Variants in HERC2 observed in about 807,000 individuals in gnomAD.
HERC2 encodes the protein HECT and RLD domain containing E3 ubiquitin protein ligase 2.
In HERC2, 102 loss-of-function variants were observed where a neutral mutation model predicts 537.7. The observed-to-expected ratio is 0.19, with a 90% CI of 0.16 to 0.22. The LOEUF (loss-of-function observed/expected upper bound fraction) is 0.22, where lower values mean the gene tolerates loss of function less well. Ranked by LOEUF, HERC2 falls within the 10% of genes least tolerant of loss-of-function variation. The pLI, the probability that HERC2 is intolerant of heterozygous loss-of-function variation, is 1.00. For synonymous variants in HERC2, 2,224 were observed against 2,466.2 expected, an observed-to-expected ratio of 0.90 and a Z score of 2.91; for missense variants, 4,236 against 6,198.2, an observed-to-expected ratio of 0.68 and a Z score of 10.63.
At chr15:28,245,564 TATACACACACACACACACACACACAC>T (rs1903596423) in intron 23 of HERC2, among the ~76,000 whole-genome samples, 3 of 108,950 alleles carry the variant, frequency 2.8e-5, no homozygotes, top group Admixed American at 9.2e-5. Context: ...AAAAAAAATA[TATACACACACACACACACACACACAC>T]ACACACACAC....
rs567986805 is a variant in HERC2 at position 28,214,846 on chromosome 15, G to C, written c.6211-44C>G. Reference sequence around the variant, plus strand: ...TAACGACAAGCATTAAAAAAAATCTGATGAGGAAACTACAGATTGTTATTT... The same window carrying C: ...TAACGACAAGCATTAAAAAAAATCTCATGAGGAAACTACAGATTGTTATTT... On this transcript the variant is annotated intron_variant, in intron 39 of 92. Coordinates refer to ENST00000261609, the MANE Select transcript of HERC2 (RefSeq NM_004667.6). 9 of 1,489,408 alleles carry C rather than the reference G, an allele frequency of 6.0e-6. No individual in the cohort carries two copies. In the South Asian group the frequency reaches 7.0e-5, roughly 12 times the overall value. The allele number at this position is 1,489,408 out of a possible 1,614,324, so 92.3% of individuals were successfully genotyped here. A position where few individuals can be genotyped will look rare whatever the true frequency, so the allele number is the denominator to read the frequency against.
At chr15:28,167,869 A>C (rs1209227609) in intron 67 of HERC2, 42 bp from the exon 68 acceptor site, 2 of 1,568,932 alleles carry the variant, frequency 1.3e-6, no homozygotes, top group Non-Finnish European at 1.7e-6. Flanking sequence ...AAGTGGAAAA[A>C]CTCAGCAACA....
intron 88 of HERC2, 65 bp from the exon 89 acceptor site, chr15:28,115,606 C>G: frequency 9.0e-7 from 1 of 1,106,270 alleles, no homozygotes; most frequent in Non-Finnish European, 1.4e-6. Context: ...CCCGCTCACT[C>G]ACACACGCCA....
chr15:28,256,330 A>C lies in HERC2; in HGVS notation c.2518-13T>G. The C allele has an allele frequency of 6.4e-7, 1 of 1,562,560 alleles. No individual in the cohort carries two copies. The highest frequency in any genetic ancestry group is 8.6e-7 in the Non-Finnish European group (1 of 1,157,728). On this transcript the variant is annotated splice_polypyrimidine_tract_variant and intron_variant, in intron 17 of 92. Transcript: ENST00000261609. ...TGGCAGCATGCAACTGAAAGGAGAA[A>C]AACAATTTTCACTTAGAACCCCTAA...
At chr15:28,258,735 A>G (rs1305990764) in intron 16 of HERC2, among the ~76,000 whole-genome samples, 1 of 152,220 alleles carries the variant, frequency 6.6e-6, no homozygotes, top group African/African-American at 2.4e-5. Context: ...ATGACAAGAC[A>G]AAAGCAGAAA....
chr15:28,164,267 G>A (rs549357999), intron 68 of HERC2, among the ~76,000 whole-genome samples: 1 of 152,284 alleles, frequency 6.6e-6, no homozygotes, highest in African/African-American at 2.4e-5. Context: ...AAACAGGCTG[G>A]GGGAAGGACA....
In HERC2 at chr15:28,139,757, T is replaced by C. The variant is rs1198892141; in HGVS notation, c.12015+1675A>G. 4.6e-5 allele frequency among the ~76,000 whole-genome samples: 7 copies of C among 152,244 alleles called. No individual in the cohort carries two copies. The East Asian group carries it at 1.4e-3, about 29-fold the overall frequency. On this transcript the variant is annotated intron_variant, in intron 78 of 92. Transcript: ENST00000261609. ...GAAAACCAATTAATCCAACTGGCTA[T>C]ACTAATCCATTAGAAAACATTGGCC...
intron 2 of HERC2, among the ~76,000 whole-genome samples, chr15:28,311,007 G>A: frequency 6.7e-6 from 1 of 149,238 alleles, no homozygotes; most frequent in Non-Finnish European, 1.5e-5. Flanking sequence ...AACCTGGGAG[G>A]CGGACGTTGC....
chr15:28,288,719 C>G (rs1386017065), intron 4 of HERC2, among the ~76,000 whole-genome samples: 4,213 of 142,728 alleles, frequency 0.03, 52 homozygotes, highest in Admixed American at 0.046. Flanking sequence ...ACGGTGGTGC[C>G]TGCCTGTAAT....
At chr15:28,145,893 A>G (rs1891681302) in intron 71 of HERC2, among the ~76,000 whole-genome samples, 1 of 152,178 alleles carries the variant, frequency 6.6e-6, no homozygotes, top group Non-Finnish European at 1.5e-5. Flanking sequence ...CCCTCACTGC[A>G]GCCAGTAAGA....
At chr15:28,314,345 G>A (rs1317166035) in intron 2 of HERC2, among the ~76,000 whole-genome samples, 1 of 152,194 alleles carries the variant, frequency 6.6e-6, no homozygotes, top group African/African-American at 2.4e-5. Flanking sequence ...CTCAGCAGAT[G>A]TCAGCTCGGA....
intron 69 of HERC2, among the ~76,000 whole-genome samples, chr15:28,156,618 C>T (rs1234841335): frequency 3.9e-5 from 6 of 152,220 alleles, no homozygotes; most frequent in African/African-American, 1.2e-4. Context: ...TGAGACTTTG[C>T]TGAAGTTGCT....
intron 52 of HERC2, among the ~76,000 whole-genome samples, 163 bp downstream of exon 52, chr15:28,196,052 A>T (rs1316146084): frequency 6.6e-6 from 1 of 152,220 alleles, no homozygotes; most frequent in Non-Finnish European, 1.5e-5. Context: ...AAAGCCAGCC[A>T]GTCATCAGCG....
chr15:28,130,347 A>T, intron 82 of HERC2, 45 bp from the exon 83 acceptor site: 4 of 1,613,110 alleles, frequency 2.5e-6, no homozygotes, highest in Non-Finnish European at 3.4e-6. Flanking sequence ...AGGTGATCTC[A>T]CTGACCACCC....
chr15:28,260,964 T>C lies in HERC2; in HGVS notation c.2129A>G (p.Lys710Arg). 2 of 1,612,724 alleles carry C rather than the reference T, an allele frequency of 1.2e-6. No individual in the cohort carries two copies. The highest frequency in any genetic ancestry group is 1.7e-6 in the Non-Finnish European group (2 of 1,179,066). ...GGAGCCTGCAGCCACATCAATCACC[T>C]TCTTCCCTACAAGGGAAGAGGGATG... ...PKLLEGLQGK[K>R]VIDVAAGSTH... is the part of the protein sequence containing the mutation. The change falls in exon 16 of 93, where the codon AAG (lysine) becomes AGG (arginine). Residue 710 changes from lysine to arginine, a missense_variant. By Grantham distance (26) the Lys-to-Arg change is conservative (BLOSUM62 2). Coordinates refer to ENST00000261609, the MANE Select transcript of HERC2 (RefSeq NM_004667.6).
At chr15:28,227,026 G>A (rs1220450613) in intron 35 of HERC2, among the ~76,000 whole-genome samples, 2 of 152,254 alleles carry the variant, frequency 1.3e-5, no homozygotes, top group Admixed American at 6.5e-5. Flanking sequence ...TGTTATCCCA[G>A]TACTTTGGGA....
At chr15:28,261,110 C>T in intron 15 of HERC2, 140 bp from the exon 16 acceptor site, 1 of 634,296 alleles carries the variant, frequency 1.6e-6, no homozygotes, top group South Asian at 2.0e-5. Flanking sequence ...ATATTAAGCA[C>T]AATTCATTTG....
intron 45 of HERC2, among the ~76,000 whole-genome samples, chr15:28,204,197 C>T (rs1412347732): frequency 6.6e-6 from 1 of 152,112 alleles, no homozygotes; most frequent in Non-Finnish European, 1.5e-5. Context: ...TGAAGGACAA[C>T]AACCAATAAC....
Position 28,233,443 on chromosome 15 carries a change from C to A in HERC2, c.4470G>T (p.Ser1490=), listed in dbSNP as rs573056894. The A allele has an allele frequency of 2.9e-6, 4 of 1,373,480 alleles. No homozygotes were observed. The highest frequency in any genetic ancestry group is 1.8e-4 in the Middle Eastern group (1 of 5,508). The allele number at this position is 1,373,480 out of a possible 1,614,324, so 85.1% of individuals were successfully genotyped here. A position where few individuals can be genotyped will look rare whatever the true frequency, so the allele number is the denominator to read the frequency against. ...AATTAAAATCTATCACCTTAATGAG[C>A]GAACATTTTGCTTGGTAGACAACTC... ...VCRVVYQAKC[S]LIKTHQEQGR... is the part of the protein sequence containing the mutation. Residue 1490 remains serine, a synonymous_variant, in exon 29 of 93, where the codon TCG becomes TCT. Transcript: ENST00000261609.
Sources: allele counts gnomAD v4.1 joint callset (sites outside exome capture counted in the v4.1 genomes callset), GRCh38; gene constraint gnomAD v4.1.1; transcripts MANE v1.5; gene names NCBI Gene and HGNC (gene_info 2026-07-23, HGNC 2026-07-21).